ZNF276: variants seen among roughly 807,000 people sequenced by gnomAD.
ZNF276 encodes centromere protein Z.
A neutral mutation model predicts 63.9 loss-of-function variants in ZNF276; 59 were observed. The ratio of observed to expected loss-of-function variants is 0.92; its 90% CI spans 0.75 to 1.15. ZNF276 has a LOEUF of 1.15. Ranked by LOEUF, ZNF276 falls within the 50% of genes most tolerant of loss-of-function variation. The pLI is 0.00. For missense variants in ZNF276, 1,084 were observed against 843.8 expected (o/e 1.28, Z -3.53); for synonymous variants, 496 against 348.4 (o/e 1.42, Z -4.72).
rs1362930610 is a variant in ZNF276, at chr16:89,740,569, G to A, written c.*2323G>A. ...GAGAATTGCTTGAACCCAGGAGGCTGAGGTTGCAGTGAGCTGAGATCACAC... is the reference window on the plus strand; with the variant it reads ...GAGAATTGCTTGAACCCAGGAGGCTAAGGTTGCAGTGAGCTGAGATCACAC... On this transcript the variant is annotated 3_prime_UTR_variant, in exon 11 of 11. Coordinates refer to ENST00000443381, the MANE Select transcript of ZNF276 (RefSeq NM_001113525.2). The A allele has an allele frequency of 2.0e-5, 11 of 550,982 alleles. No individual in the cohort carries two copies. The South Asian group carries it at 2.1e-4, about 11-fold the overall frequency. 34.1% of individuals were successfully genotyped at this position (550,982 alleles called of 1,614,324 possible). A position where few individuals can be genotyped will look rare whatever the true frequency, so the allele number is the denominator to read the frequency against.
chr16:89,721,271 C>T (rs1370000581), upstream of ZNF276: 27 of 236,816 alleles, frequency 1.1e-4, no homozygotes, highest in Middle Eastern at 1.3e-3. Context: ...GCCTCCGTCT[C>T]CCACGGTAAG....
At chr16:89,733,221 C>T (rs186965772) in intron 6 of ZNF276, 81 bp from the exon 7 acceptor site, 14 of 1,306,608 alleles carry the variant, frequency 1.1e-5, no homozygotes, top group Non-Finnish European at 1.5e-5. Flanking sequence ...CAGAAAAGAC[C>T]ATTTCTCAGG....
rs764107167 is a variant in ZNF276 at position 89,727,373 on chromosome 16, G to GT, written c.1085+19dup. 3.8e-5 allele frequency: 62 copies of GT among 1,610,962 alleles called. No individual in the cohort carries two copies. Among genetic ancestry groups the GT allele is most frequent in the Non-Finnish European group, 5.0e-5 (59 of 1,178,316 alleles). On this transcript the variant is annotated intron_variant, in intron 5 of 10. Transcript: ENST00000443381. ...TTTCTGAGGGGTGAGAGAAGAGTGGGTTTAAACAGCCTAAAATTTCTCCTT... is the reference window on the plus strand; with the variant it reads ...TTTCTGAGGGGTGAGAGAAGAGTGGGTTTTAAACAGCCTAAAATTTCTCCTT...
Position 89,738,278 on chromosome 16 carries a change from C to T in ZNF276, c.*32C>T. Reference sequence around the variant, plus strand: ...CAGTGAGGATGAGCACCTCTAGCAGCCTGGACTCCGCAGTGGCTGTGTCAG... The same window carrying T: ...CAGTGAGGATGAGCACCTCTAGCAGTCTGGACTCCGCAGTGGCTGTGTCAG... On this transcript the variant is annotated 3_prime_UTR_variant, in exon 11 of 11. Transcript: ENST00000443381. 1.9e-6 allele frequency: 3 copies of T among 1,562,674 alleles called. No homozygotes were observed. The highest frequency in any genetic ancestry group is 2.3e-5 in the South Asian group (2 of 86,052).
At chr16:89,720,552 G>A, upstream of ZNF276, 2 of 1,178,880 alleles carry the variant, frequency 1.7e-6, no homozygotes, top group South Asian at 4.1e-5. Context: ...GGAGTGGAAA[G>A]CCAAGGTCCG....
Position 89,733,937 on chromosome 16 carries a change from A to C in ZNF276, c.1373A>C (p.His458Pro), listed in dbSNP as rs773432484. 1.2e-6 allele frequency: 2 copies of C among 1,613,752 alleles called. No individual in the cohort carries two copies. The highest frequency in any genetic ancestry group is 1.7e-6 in the Non-Finnish European group (2 of 1,179,990). Residue 458 changes from histidine to proline, a missense_variant, in exon 9 of 11, where the codon CAC (histidine) becomes CCC (proline). Coordinates refer to ENST00000443381, the MANE Select transcript of ZNF276 (RefSeq NM_001113525.2). ...CTCCTTCAGAAGCACATCAAGGAGC[A>C]CCACGAGGAGGTCCGGGAGCGGCCC... ...ADGMKKHIKEHHEEVRERPCP... is the reference protein window; with the variant it reads ...ADGMKKHIKEPHEEVRERPCP...
intron 9 of ZNF276, among the ~76,000 whole-genome samples, chr16:89,735,579 AC>A (rs1447619432): frequency 1.3e-5 from 2 of 151,878 alleles, no homozygotes; most frequent in Non-Finnish European, 2.9e-5. Flanking sequence ...TTCCTTAAAA[AC>A]CTGAAATTGG....
rs947732887 is a variant in ZNF276, at chr16:89,733,406, G to C, written c.1274G>C (p.Cys425Ser). Residue 425 changes from cysteine (C) to serine (S), a missense_variant, in exon 7 of 11, where the codon TGT (cysteine) becomes TCT (serine). By Grantham distance (112) the Cys-to-Ser change is moderately radical. Coordinates refer to ENST00000443381, the MANE Select transcript of ZNF276 (RefSeq NM_001113525.2). ...PKPGWKKKLR[C>S]EREELPTIYK... ...CCCGGATGGAAGAAGAAGCTTCGTTGTGAGAGGTGATGCCTGCAACGCGAG... is the reference window on the plus strand; with the variant it reads ...CCCGGATGGAAGAAGAAGCTTCGTTCTGAGAGGTGATGCCTGCAACGCGAG... 1 of 1,614,200 alleles carries C rather than the reference G, an allele frequency of 6.2e-7. No homozygotes were observed. Among genetic ancestry groups the C allele is most frequent in the Non-Finnish European group, 8.5e-7 (1 of 1,180,048 alleles).
chr16:89,724,948 G>A (rs1050823794), intron 4 of ZNF276, among the ~76,000 whole-genome samples: 3 of 152,096 alleles, frequency 2.0e-5, no homozygotes, highest in South Asian at 2.1e-4. Flanking sequence ...ATCTATCTAT[G>A]TGTTTATTTA....
intron 6 of ZNF276, chr16:89,732,511 T>C (rs1043912223): frequency 1.9e-5 from 3 of 153,948 alleles, no homozygotes; most frequent in African/African-American, 7.3e-5. Context: ...GATAAAGGAG[T>C]GGTCCTTTGG....
At chr16:89,734,429 A>G (rs551712771) in intron 9 of ZNF276, among the ~76,000 whole-genome samples, 3 of 152,122 alleles carry the variant, frequency 2.0e-5, no homozygotes, top group East Asian at 1.9e-4. Context: ...AGGTTCAATC[A>G]ATTCTCCCGC....
At chr16:89,726,251 C>T (rs567320427) in intron 4 of ZNF276, among the ~76,000 whole-genome samples, 1 of 152,064 alleles carries the variant, frequency 6.6e-6, no homozygotes, top group Non-Finnish European at 1.5e-5. Context: ...GGCTGGAGTG[C>T]AGTGGCACGA....
intron 4 of ZNF276, 116 bp from the exon 5 acceptor site, chr16:89,727,163 A>G: frequency 2.8e-6 from 3 of 1,081,970 alleles, no homozygotes; most frequent in Non-Finnish European, 4.3e-6. Flanking sequence ...GGAGAACTTG[A>G]GGGTCAGGGA....
chr16:89,721,092 G>A (rs1597951288), upstream of ZNF276: 2 of 340,470 alleles, frequency 5.9e-6, no homozygotes, highest in African/African-American at 2.2e-5. Flanking sequence ...GGGCCTCTTC[G>A]CCGTCTTGAG....
chr16:89,728,500 T>C (rs1224154993), intron 5 of ZNF276, among the ~76,000 whole-genome samples: 2 of 152,100 alleles, frequency 1.3e-5, no homozygotes, highest in Non-Finnish European at 2.9e-5. Flanking sequence ...GCCTCCCGGG[T>C]TCACGCCATT....
rs1383469012 is a variant in ZNF276, at chr16:89,733,343, C to T, written c.1211C>T (p.Ser404Phe). Residue 404 changes from serine to phenylalanine, a missense_variant, in exon 7 of 11, where the codon TCT becomes TTT. Transcript: ENST00000443381. ...AGTGAAAGCAAAGAAGCCAAGAAGT[C>T]TGAAGAACCAAGAATTCGGAAGAAG... The part of the protein sequence containing the change: ...KKSESKEAKK[S>F]EEPRIRKKPG... 4 of 1,614,148 alleles carry T rather than the reference C, an allele frequency of 2.5e-6. No individual in the cohort carries two copies. Among genetic ancestry groups the T allele is most frequent in the Middle Eastern group, 1.6e-4 (1 of 6,062 alleles).
chr16:89,730,532 G>T (rs142175711), intron 6 of ZNF276, among the ~76,000 whole-genome samples: 38 of 152,264 alleles, frequency 2.5e-4, no homozygotes, highest in Admixed American at 5.2e-4. Flanking sequence ...GCTGTGACAG[G>T]GACAGCACAC....
intron 9 of ZNF276, 190 bp from the exon 10 acceptor site, chr16:89,737,616 G>T (rs1436034157): frequency 2.7e-6 from 3 of 1,108,388 alleles, no homozygotes; most frequent in African/African-American, 1.6e-5. Flanking sequence ...ATGAAGCCAC[G>T]TGACAGTGTA....
rs767718616 is a variant in ZNF276 at position 89,729,258 on chromosome 16, A to G, written c.1109A>G (p.Asn370Ser). Residue 370 changes from asparagine to serine, a missense_variant, in exon 6 of 11, where the codon AAT (asparagine) becomes AGT (serine). By Grantham distance (46) the Asn-to-Ser change is conservative (BLOSUM62 1). Transcript: ENST00000443381. ...AGAGACGTCTTGAGTGAAGATGAAA[A>G]TGACAAGAAGCAAAATGCCCAGTCT... ...SEGDVLSEDE[N>S]DKKQNAQSSD... 21 of 1,614,014 alleles carry G rather than the reference A, an allele frequency of 1.3e-5. No individual in the cohort carries two copies. The East Asian group carries it at 4.7e-4, about 36-fold the overall frequency.
Sources: gnomAD v4.1 joint callset for allele counts (sites outside exome capture counted in the v4.1 genomes callset) on GRCh38, gnomAD v4.1.1 for gene constraint, MANE v1.5 for transcripts, NCBI Gene and HGNC (gene_info 2026-07-23, HGNC 2026-07-21) for gene names.